IBTK: variants seen among roughly 807,000 people sequenced by gnomAD.
IBTK encodes BTK-binding protein.
Under a neutral mutation model 154.9 loss-of-function variants are expected in IBTK, and 83 were observed. That is an observed-to-expected ratio of 0.54 (90% CI 0.45 to 0.64). The LOEUF is 0.64. Among genes scored for constraint, IBTK ranks in the 30% least tolerant of loss-of-function variants. IBTK has a pLI of 0.00. For synonymous variants in IBTK, 515 were observed against 536.1 expected (o/e 0.96, Z 0.54); for missense variants, 1,332 against 1,584.6 (o/e 0.84, Z 2.71).
At chr6:82,196,486 T>G in intron 21 of IBTK, 40 bp from the exon 22 acceptor site, 1 of 1,301,306 alleles carries the variant, frequency 7.7e-7, no homozygotes, top group Non-Finnish European at 1.1e-6. Flanking sequence ...ACATATGCAT[T>G]AAACATATAT....
At chr6:82,244,049 T>C (rs1771053846) in intron 1 of IBTK, among the ~76,000 whole-genome samples, 1 of 152,188 alleles carries the variant, frequency 6.6e-6, no homozygotes, top group South Asian at 2.1e-4. Context: ...ATGTCAGCTG[T>C]TATCAGTTAT....
intron 21 of IBTK, 26 bp downstream of exon 21, chr6:82,200,115 G>A (rs1416347753): frequency 7.3e-7 from 1 of 1,375,636 alleles, no homozygotes; most frequent in East Asian, 2.3e-5. Flanking sequence ...ATTAGAACTG[G>A]AAATACATGC....
chr6:82,229,272 C>T (rs1262081821), intron 4 of IBTK, among the ~76,000 whole-genome samples: 1 of 152,106 alleles, frequency 6.6e-6, no homozygotes, highest in Non-Finnish European at 1.5e-5. Context: ...TGAAATGTGG[C>T]TTTCTCTTTG....
At chr6:82,194,346 AT>A in intron 23 of IBTK, 132 bp downstream of exon 23, 2 of 724,558 alleles carry the variant, frequency 2.8e-6, no homozygotes, top group Non-Finnish European at 4.0e-6. Flanking sequence ...ATTTGTAGGT[AT>A]TTAGGCAATT....
chr6:82,194,646 G>C lies in IBTK; in HGVS notation c.3175-4C>G. On this transcript the variant is annotated splice_polypyrimidine_tract_variant and splice_region_variant and intron_variant, in intron 22 of 28. Transcript: ENST00000306270. ...TAACATACGGTTTGACTTTCGCCTG[G>C]GGAGAGAAAAAAAATAAAAAAAGTT... 6.4e-7 allele frequency: 1 copy of C among 1,556,674 alleles called. No individual in the cohort carries two copies. Among genetic ancestry groups the C allele is most frequent in the Non-Finnish European group, 8.7e-7 (1 of 1,155,806 alleles).
In IBTK at chr6:82,214,252, A is replaced by C; in HGVS notation, c.2179T>G (p.Phe727Val). ...CTACTACTCAAATTACTGAAGTCGA[A>C]TTTCTTTGCAACAGTTTGCAACATT... The part of the protein sequence containing the change: ...VRMLQTVAKK[F>V]DFSNLSSRLD... The change falls in exon 12 of 29, where the codon TTC (phenylalanine) becomes GTC (valine). Residue 727 changes from phenylalanine (F) to valine (V), a missense_variant. Transcript: ENST00000306270. The C allele has an allele frequency of 6.2e-7, 1 of 1,611,602 alleles. No individual in the cohort carries two copies. The highest frequency in any genetic ancestry group is 8.5e-7 in the Non-Finnish European group (1 of 1,179,318).
At chr6:82,218,202 A>C in intron 9 of IBTK, 65 bp from the exon 10 acceptor site, 1 of 1,103,338 alleles carries the variant, frequency 9.1e-7, no homozygotes, top group Non-Finnish European at 1.2e-6. Flanking sequence ...AAAACCTTAA[A>C]TCAAGATATC....
At chr6:82,215,996 T>C (rs1409606273) in intron 11 of IBTK, 80 bp downstream of exon 11, 8 of 1,012,002 alleles carry the variant, frequency 7.9e-6, no homozygotes, top group Non-Finnish European at 1.2e-5. Context: ...TCAATTAAAT[T>C]TGCACCAGCA....
intron 8 of IBTK, 93 bp from the exon 9 acceptor site, chr6:82,220,806 T>A: frequency 1.0e-6 from 1 of 1,002,774 alleles, no homozygotes; most frequent in Non-Finnish European, 1.4e-6. Flanking sequence ...CAACAATCTA[T>A]AGGCAATTAT....
chr6:82,176,351 T>C (rs1337648632), intron 26 of IBTK, among the ~76,000 whole-genome samples: 1 of 151,526 alleles, frequency 6.6e-6, no homozygotes, highest in Non-Finnish European at 1.5e-5. Flanking sequence ...CAAAACCCTG[T>C]CTGTATTAAA....
In IBTK at chr6:82,196,494, T is replaced by C. The variant is rs773448650; in HGVS notation, c.3026-48A>G. ...ATTAAACACATATGCATTAAACATA[T>C]ATGCATTACATTCCATGAACCAGAG... On this transcript the variant is annotated intron_variant, in intron 21 of 28. Transcript: ENST00000306270. 8.6e-6 allele frequency: 10 copies of C among 1,157,732 alleles called. No homozygotes were observed. In the South Asian group the frequency reaches 8.9e-5, roughly 10 times the overall value. The allele number at this position is 1,157,732 out of a possible 1,614,324, so 71.7% of individuals were successfully genotyped here.
chr6:82,211,324 G>T lies in IBTK; in HGVS notation c.2412+43C>A, dbSNP rs201075916. 149 of 1,498,792 alleles carry T rather than the reference G, an allele frequency of 9.9e-5. No homozygotes were observed. The East Asian group carries it at 3.0e-3, about 30-fold the overall frequency. 92.8% of individuals were successfully genotyped at this position (1,498,792 alleles called of 1,614,324 possible). A position where few individuals can be genotyped will look rare whatever the true frequency, so the allele number is the denominator to read the frequency against. On this transcript the variant is annotated intron_variant, in intron 15 of 28. Transcript: ENST00000306270. ...CTACATACTTTGCACAAAATATAAA[G>T]AAACATAGTTACCAACCTAGGCGCT...
chr6:82,172,310 G>T, intron 28 of IBTK, 70 bp downstream of exon 28: 3 of 1,482,160 alleles, frequency 2.0e-6, no homozygotes, highest in Non-Finnish European at 2.7e-6. Flanking sequence ...AAACAAACAC[G>T]ATTTTCTTAA....
intron 1 of IBTK, among the ~76,000 whole-genome samples, chr6:82,241,441 A>AC (rs1256587104): frequency 3.9e-5 from 6 of 152,250 alleles, no homozygotes; most frequent in Non-Finnish European, 7.3e-5. Context: ...CTGCCTGAAA[A>AC]GTCCTTCATC....
At chr6:82,243,138 G>C (rs1355572316) in intron 1 of IBTK, among the ~76,000 whole-genome samples, 1 of 152,044 alleles carries the variant, frequency 6.6e-6, no homozygotes, top group Middle Eastern at 3.4e-3. Flanking sequence ...CTACTTGGGA[G>C]GCTGAGGCAG....
intron 26 of IBTK, among the ~76,000 whole-genome samples, chr6:82,178,148 C>T (rs541613800): frequency 1.3e-5 from 2 of 152,224 alleles, no homozygotes; most frequent in Non-Finnish European, 2.9e-5. Flanking sequence ...GCAGTGATAG[C>T]CAAAGCTATT....
chr6:82,236,675 T>C (rs1280235876), intron 2 of IBTK, among the ~76,000 whole-genome samples: 1 of 152,240 alleles, frequency 6.6e-6, no homozygotes, highest in African/African-American at 2.4e-5. Flanking sequence ...ACAAATGTTA[T>C]AGCTATGAAG....
rs528846705 is a variant in IBTK, at chr6:82,226,367, C to A, written c.655-720G>T. Among the ~76,000 whole-genome samples, 19 of 152,228 alleles carry A rather than the reference C, an allele frequency of 1.2e-4. 1 individual carries two copies. The South Asian group carries it at 2.7e-3, about 22-fold the overall frequency. On this transcript the variant is annotated intron_variant, in intron 5 of 28. Transcript: ENST00000306270. ...AGCACCATTTAATAGATAAGTATATCAGAAGTCCCCACAAAAAACATCTTA... is the reference window on the plus strand; with the variant it reads ...AGCACCATTTAATAGATAAGTATATAAGAAGTCCCCACAAAAAACATCTTA...
chr6:82,221,506 C>T (rs1770100697), intron 8 of IBTK, among the ~76,000 whole-genome samples: 2 of 152,130 alleles, frequency 1.3e-5, no homozygotes, highest in Admixed American at 6.5e-5. Context: ...TATTCAGTAA[C>T]TCATTCATTA....
Sources: gnomAD v4.1 joint callset for allele counts (sites outside exome capture counted in the v4.1 genomes callset) on GRCh38, gnomAD v4.1.1 for gene constraint, MANE v1.5 for transcripts, NCBI Gene and HGNC (gene_info 2026-07-23, HGNC 2026-07-21) for gene names.